Variants in SPAG16 observed in about 807,000 individuals in gnomAD.
The protein encoded by SPAG16 is sperm associated antigen 16.
Under a neutral mutation model 80.4 loss-of-function variants are expected in SPAG16, and 86 were observed. That is an observed-to-expected ratio of 1.07 (90% confidence interval 0.90 to 1.28). The LOEUF is 1.28. SPAG16 is among the 50% of genes most tolerant of loss of function. The pLI is 0.00. For synonymous variants in SPAG16, 294 were observed against 265.9 expected, an observed-to-expected ratio of 1.11 and a Z score of -1.03; for missense variants, 870 against 765.3, an observed-to-expected ratio of 1.14 and a Z score of -1.61.
intron 15 of SPAG16, among the ~76,000 whole-genome samples, chr2:214,280,463 A>C (rs1692836840): frequency 6.6e-6 from 1 of 152,226 alleles, no homozygotes; most frequent in Non-Finnish European, 1.5e-5. Flanking sequence ...ATCTGCTCTC[A>C]AGGTTTATTA....
intron 15 of SPAG16, among the ~76,000 whole-genome samples, chr2:214,231,001 AG>A (rs1688660187): frequency 6.6e-6 from 1 of 151,982 alleles, no homozygotes; most frequent in Admixed American, 6.6e-5. Flanking sequence ...AGCATAGTCA[AG>A]GGGTTATAAT....
Position 213,727,586 on chromosome 2 carries a change from C to G in SPAG16, c.1071-134899C>G, listed in dbSNP as rs79492713. ...CAAAGGCGCTGACGTGGAAATGTTTCTACATAGCAATTGCGTTAGTGTGAC... is the reference window on the plus strand; with the variant it reads ...CAAAGGCGCTGACGTGGAAATGTTTGTACATAGCAATTGCGTTAGTGTGAC... On this transcript the variant is annotated intron_variant, in intron 10 of 15. Transcript: ENST00000331683. Among the ~76,000 whole-genome samples the G allele has an allele frequency of 7.8e-3, 1,188 of 152,222 alleles. 15 individuals carry two copies. The highest frequency in any genetic ancestry group is 0.026 in the African/African-American group (1,087 of 41,546).
intron 10 of SPAG16, among the ~76,000 whole-genome samples, chr2:213,510,423 T>C (rs2075177099): frequency 6.6e-6 from 1 of 152,144 alleles, no homozygotes. Context: ...CAGATGATAG[T>C]CATGTACATT....
intron 12 of SPAG16, among the ~76,000 whole-genome samples, chr2:213,936,889 G>A (rs1262260260): frequency 6.6e-6 from 1 of 151,980 alleles, no homozygotes; most frequent in Non-Finnish European, 1.5e-5. Flanking sequence ...TAATTCTGTA[G>A]CCAATCATAA....
intron 15 of SPAG16, among the ~76,000 whole-genome samples, chr2:214,271,842 A>ACC (rs201033653): frequency 0.019 from 2,558 of 135,322 alleles, 31 homozygotes; most frequent in Non-Finnish European, 0.026. Flanking sequence ...ACTGTGGGAA[A>ACC]CCCCCCCCCC....
At chr2:213,649,798 C>T (rs1275602461) in intron 10 of SPAG16, among the ~76,000 whole-genome samples, 1 of 151,972 alleles carries the variant, frequency 6.6e-6, no homozygotes, top group African/African-American at 2.4e-5. Context: ...CCAGGCTGGT[C>T]ACGAACTCCT....
chr2:214,212,910 T>A (rs1308708106), intron 15 of SPAG16, among the ~76,000 whole-genome samples: 1 of 152,170 alleles, frequency 6.6e-6, no homozygotes, highest in Non-Finnish European at 1.5e-5. Flanking sequence ...AACATGTAAG[T>A]CCACACAGCA....
At chr2:213,853,452 A>G (rs1024298987) in intron 10 of SPAG16, among the ~76,000 whole-genome samples, 1 of 152,208 alleles carries the variant, frequency 6.6e-6, no homozygotes, top group African/African-American at 2.4e-5. Context: ...TATAAACGAA[A>G]AAAATCTCTG....
intron 10 of SPAG16, among the ~76,000 whole-genome samples, chr2:213,606,805 A>G (rs1314718256): frequency 6.6e-6 from 1 of 152,230 alleles, no homozygotes; most frequent in African/African-American, 2.4e-5. Flanking sequence ...AGCATCATCC[A>G]TACCTTCGGC....
At chr2:213,287,682 C>A (rs1056875664) in intron 1 of SPAG16, among the ~76,000 whole-genome samples, 51 of 152,278 alleles carry the variant, frequency 3.3e-4, no homozygotes, top group African/African-American at 1.2e-3. Context: ...CCCCCAGCAG[C>A]AATTTCTGAG....
intron 14 of SPAG16, among the ~76,000 whole-genome samples, chr2:214,112,299 T>G (rs2125419353): frequency 6.6e-6 from 1 of 152,206 alleles, no homozygotes; most frequent in East Asian, 1.9e-4. Context: ...TGATTTGGGG[T>G]GGAGAGTTCT....
chr2:213,381,062 G>T (rs564484242), intron 9 of SPAG16, among the ~76,000 whole-genome samples: 12 of 115,258 alleles, frequency 1.0e-4, no homozygotes, highest in Non-Finnish European at 1.9e-4. Flanking sequence ...TGAAGGAATG[G>T]GTCCATAAAT....
chr2:214,175,003 T>C, intron 15 of SPAG16, among the ~76,000 whole-genome samples: 1 of 151,526 alleles, frequency 6.6e-6, no homozygotes, highest in East Asian at 1.9e-4. Flanking sequence ...CAGAAGCCAG[T>C]CTGAATCTTC....
rs986492027 is a variant in SPAG16 at position 213,342,423 on chromosome 2, G to C, written c.644+2153G>C. Reference sequence around the variant, plus strand: ...ACTAAGCTAATCAGAAAGGAGGATAGAACTGTACATACTACCTAAATTTTT... The same window carrying C: ...ACTAAGCTAATCAGAAAGGAGGATACAACTGTACATACTACCTAAATTTTT... On this transcript the variant is annotated intron_variant, in intron 6 of 15. Transcript: ENST00000331683. 1.2e-4 allele frequency among the ~76,000 whole-genome samples: 18 copies of C among 148,874 alleles called. No individual in the cohort carries two copies. The East Asian group carries it at 2.9e-3, about 24-fold the overall frequency.
intron 4 of SPAG16, 121 bp downstream of exon 4, chr2:213,310,298 C>A: frequency 6.0e-6 from 3 of 501,198 alleles, no homozygotes; most frequent in Admixed American, 7.3e-5. Context: ...AAACTTTTCC[C>A]ATCTCCAGCC....
At chr2:213,932,630 T>C (rs1435799813) in intron 12 of SPAG16, among the ~76,000 whole-genome samples, 2 of 152,214 alleles carry the variant, frequency 1.3e-5, no homozygotes, top group African/African-American at 4.8e-5. Context: ...TCTGGCTCAG[T>C]CTTGAACAGC....
intron 9 of SPAG16, among the ~76,000 whole-genome samples, chr2:213,416,802 A>G (rs1246928870): frequency 5.3e-5 from 8 of 152,200 alleles, no homozygotes; most frequent in Non-Finnish European, 1.2e-4. Context: ...ATGATCTTAA[A>G]GACAGGGGGC....
At chr2:214,030,364 C>T (rs898172425) in intron 13 of SPAG16, among the ~76,000 whole-genome samples, 1 of 152,100 alleles carries the variant, frequency 6.6e-6, no homozygotes, top group African/African-American at 2.4e-5. Context: ...ATCCAGCACT[C>T]CCATGTTCAT....
intron 13 of SPAG16, among the ~76,000 whole-genome samples, chr2:214,048,238 A>C (rs2049447375): frequency 6.6e-6 from 1 of 152,206 alleles, no homozygotes; most frequent in African/African-American, 2.4e-5. Context: ...AGATACCTGC[A>C]CTTCCATGTT....
Sources: allele counts gnomAD v4.1 joint callset (sites outside exome capture counted in the v4.1 genomes callset), GRCh38; gene constraint gnomAD v4.1.1; transcripts MANE v1.5; gene names NCBI Gene and HGNC (gene_info 2026-07-23, HGNC 2026-07-21).